The following ZC3H12B variants were observed in gnomAD, a reference collection of about 807,000 sequenced individuals.
ZC3H12B encodes probable ribonuclease ZC3H12B.
In ZC3H12B, 7 loss-of-function variants were observed where a neutral mutation model predicts 43.9. That is an observed-to-expected ratio of 0.16 (90% CI 0.09 to 0.30). The LOEUF (loss-of-function observed/expected upper bound fraction) is 0.30. Ranked by LOEUF, ZC3H12B falls within the 10% of genes least tolerant of loss-of-function variation. The pLI is 1.00. For missense variants in ZC3H12B, 475 were observed against 670.2 expected (o/e 0.71, Z 3.22); for synonymous variants, 222 against 241.7 (o/e 0.92, Z 0.76).
At chrX:65,280,199 C>G in the ZC3H12B span, among the ~76,000 whole-genome samples, 29 of 112,211 alleles carry the variant, frequency 2.6e-4, no homozygotes, top group Non-Finnish European at 5.6e-5. Flanking sequence ...GGAGATTACA[C>G]CATGACCAAA....
At chrX:65,229,225 C>G in the ZC3H12B span, among the ~76,000 whole-genome samples, 2 of 110,895 alleles carry the variant, frequency 1.8e-5, no homozygotes, top group Non-Finnish European at 1.9e-5. Flanking sequence ...TCAGAAATAA[C>G]ACCTCATATC....
At chrX:65,193,896 C>G in the ZC3H12B span, among the ~76,000 whole-genome samples, 9 of 111,405 alleles carry the variant, frequency 8.1e-5, no homozygotes, top group Non-Finnish European at 1.7e-4. Flanking sequence ...CATGGCTCCA[C>G]AGGGTGTACA....
At chrX:65,434,284 T>A (rs1333050083) in intron 3 of ZC3H12B, among the ~76,000 whole-genome samples, 1 of 112,125 alleles carries the variant, frequency 8.9e-6, no homozygotes, top group Non-Finnish European at 1.9e-5. Context: ...GTAAAATATA[T>A]GTTTTCTGGA....
chrX:65,305,677 A>G, the ZC3H12B span, among the ~76,000 whole-genome samples: 2 of 111,863 alleles, frequency 1.8e-5, no homozygotes, highest in Admixed American at 9.5e-5. Context: ...ATTATTTGTT[A>G]TTTAAATGTT....
the ZC3H12B span, among the ~76,000 whole-genome samples, chrX:65,258,739 G>A: frequency 2.1e-4 from 24 of 111,691 alleles, no homozygotes; most frequent in Non-Finnish European, 4.0e-4. Flanking sequence ...CCAAATTGAT[G>A]TACAAAAATC....
chrX:65,458,887 CA>C (rs1252698344), intron 3 of ZC3H12B, among the ~76,000 whole-genome samples: 3 of 111,031 alleles, frequency 2.7e-5, no homozygotes, highest in Admixed American at 9.6e-5. Flanking sequence ...AATAGAGACA[CA>C]AAAAACCCTT....
chrX:65,437,496 A>G (rs1309246040), intron 3 of ZC3H12B, among the ~76,000 whole-genome samples: 2 of 112,608 alleles, frequency 1.8e-5, no homozygotes, highest in Non-Finnish European at 3.7e-5. Context: ...CTGATCTTCA[A>G]TAATGTCAAG....
chrX:65,227,158 A>G, the ZC3H12B span, among the ~76,000 whole-genome samples: 7 of 111,913 alleles, frequency 6.3e-5, no homozygotes, highest in African/African-American at 2.3e-4. Flanking sequence ...CAAATGTAAA[A>G]TAACAGAAAT....
At chrX:65,334,433 C>A in the ZC3H12B span, among the ~76,000 whole-genome samples, 1 of 112,033 alleles carries the variant, frequency 8.9e-6, no homozygotes, top group Non-Finnish European at 1.9e-5. Flanking sequence ...TTCTTATAAT[C>A]TTTTACCAAA....
chrX:65,105,987 G>T, the ZC3H12B span, among the ~76,000 whole-genome samples: 1 of 111,749 alleles, frequency 8.9e-6, no homozygotes, highest in Non-Finnish European at 1.9e-5. Flanking sequence ...AGTGCTCTCT[G>T]ATATCCGTTA....
At chrX:65,134,793 C>T in the ZC3H12B span, among the ~76,000 whole-genome samples, 2 of 111,019 alleles carry the variant, frequency 1.8e-5, no homozygotes, top group East Asian at 2.9e-4. Flanking sequence ...TGGGTGCTGG[C>T]GGGCTGAGTC....
the ZC3H12B span, among the ~76,000 whole-genome samples, chrX:65,173,675 A>T: frequency 8.9e-6 from 1 of 111,990 alleles, no homozygotes; most frequent in Admixed American, 9.5e-5. Context: ...ATCTATTGAG[A>T]TAATCATGTG....
At chrX:65,227,605 G>A in the ZC3H12B span, among the ~76,000 whole-genome samples, 1 of 111,305 alleles carries the variant, frequency 9.0e-6, no homozygotes, top group Admixed American at 9.6e-5. Context: ...CTGGTTTTTT[G>A]AAAGGATCAA....
intron 2 of ZC3H12B, among the ~76,000 whole-genome samples, chrX:65,374,479 G>A (rs912844596): frequency 8.4e-5 from 9 of 106,862 alleles, no homozygotes; most frequent in Non-Finnish European, 1.5e-4. Flanking sequence ...AATTGATTAC[G>A]GATGGAGTAA....
At chrX:65,118,486 T>C in the ZC3H12B span, among the ~76,000 whole-genome samples, 1 of 111,108 alleles carries the variant, frequency 9.0e-6, no homozygotes, top group Non-Finnish European at 1.9e-5. Context: ...GTTTTCTAAA[T>C]ATTTAGAAAT....
chrX:65,500,743 GT>G (rs144534250), intron 4 of ZC3H12B, among the ~76,000 whole-genome samples: 25 of 100,885 alleles, frequency 2.5e-4, no homozygotes, highest in East Asian at 6.1e-4. Flanking sequence ...TCCAGTTTTT[GT>G]TTTTTTTTTT....
the ZC3H12B span, among the ~76,000 whole-genome samples, chrX:65,212,374 T>TTATATAATA: frequency 4.0e-5 from 2 of 49,656 alleles, no homozygotes; most frequent in African/African-American, 1.7e-4. Context: ...ATATTACATA[T>TTATATAATA]TGTATAATAT....
the ZC3H12B span, among the ~76,000 whole-genome samples, chrX:65,061,544 AT>A: frequency 8.9e-6 from 1 of 111,977 alleles, no homozygotes; most frequent in Non-Finnish European, 1.9e-5. Flanking sequence ...TATGTGCTGC[AT>A]TTTCTTTATC....
At chrX:65,287,989 C>CAT in the ZC3H12B span, among the ~76,000 whole-genome samples, 7,563 of 90,233 alleles carry the variant, frequency 0.084, 263 homozygotes, top group African/African-American at 0.2. Flanking sequence ...ATTTTATATA[C>CAT]ATATATATAT....
Sources: allele counts gnomAD v4.1 joint callset (sites outside exome capture counted in the v4.1 genomes callset), GRCh38; gene constraint gnomAD v4.1.1; transcripts MANE v1.5; gene names NCBI Gene and HGNC (gene_info 2026-07-23, HGNC 2026-07-21).